Variants in NRXN3 observed in about 807,000 individuals in gnomAD.
The protein encoded by NRXN3 is neurexin III.
NRXN3 carries 32 observed loss-of-function variants against 137.6 expected under a neutral mutation model. That is an observed-to-expected ratio of 0.23 (90% CI 0.18 to 0.31). The LOEUF (loss-of-function observed/expected upper bound fraction) is 0.31, where lower values mean the gene tolerates loss of function less well. Ranked by LOEUF, NRXN3 falls within the 10% of genes least tolerant of loss-of-function variation. NRXN3 has a pLI of 1.00. For missense variants in NRXN3, 1,574 were observed against 2,062.5 expected (o/e 0.76, Z 4.59); for synonymous variants, 798 against 784.5 (o/e 1.02, Z -0.29).
chr14:79,058,101 A>G (rs1296131937), intron 15 of NRXN3, among the ~76,000 whole-genome samples: 1 of 152,082 alleles, frequency 6.6e-6, no homozygotes, highest in African/African-American at 2.4e-5. Context: ...CATTTTCTCT[A>G]AAGTAGGAGA....
chr14:79,291,404 A>G (rs1405435501), intron 15 of NRXN3, among the ~76,000 whole-genome samples: 1 of 151,692 alleles, frequency 6.6e-6, no homozygotes, highest in East Asian at 2.0e-4. Flanking sequence ...TTATTTTAGC[A>G]GAGATGGGGT....
At chr14:79,169,837 C>T (rs1370605474) in intron 15 of NRXN3, among the ~76,000 whole-genome samples, 1 of 152,040 alleles carries the variant, frequency 6.6e-6, no homozygotes, top group African/African-American at 2.4e-5. Flanking sequence ...GGAAGACACA[C>T]CAGTGGGAGG....
intron 1 of NRXN3, among the ~76,000 whole-genome samples, chr14:78,214,547 T>C (rs1335584444): frequency 3.3e-5 from 5 of 152,138 alleles, no homozygotes; most frequent in Non-Finnish European, 7.3e-5. Flanking sequence ...CCGGACACAC[T>C]CGGGATGCTT....
Position 78,851,324 on chromosome 14 carries a change from A to G in NRXN3, c.2275+40980A>G, listed in dbSNP as rs940555860. On this transcript the variant is annotated intron_variant, in intron 10 of 20. Coordinates refer to ENST00000335750, the MANE Select transcript of NRXN3 (RefSeq NM_001330195.2). ...CTCCCTGGTGAAATTCAAGATGCCA[A>G]TGGGATGTCACTGAACTTGAAATTG... Among the ~76,000 whole-genome samples, 10 of 152,272 alleles carry G rather than the reference A, an allele frequency of 6.6e-5. No individual in the cohort carries two copies. The East Asian group carries it at 1.7e-3, about 26-fold the overall frequency.
At chr14:79,713,721 T>C (rs572620538) in intron 19 of NRXN3, among the ~76,000 whole-genome samples, 10 of 150,916 alleles carry the variant, frequency 6.6e-5, no homozygotes, top group African/African-American at 2.4e-4. Flanking sequence ...TTTTTTGTAT[T>C]CCCTTAAGAG....
chr14:79,838,964 G>C (rs1401844818), intron 20 of NRXN3, among the ~76,000 whole-genome samples: 2 of 152,188 alleles, frequency 1.3e-5, no homozygotes, highest in Non-Finnish European at 2.9e-5. Context: ...GGTTTTACTT[G>C]CAATTGTAGA....
At chr14:79,175,877 G>A (rs1242062389) in intron 15 of NRXN3, among the ~76,000 whole-genome samples, 1 of 152,198 alleles carries the variant, frequency 6.6e-6, no homozygotes, top group Non-Finnish European at 1.5e-5. Flanking sequence ...CAGTGTTGTA[G>A]TCGTGAAACT....
rs1409965478 is a variant in NRXN3, at chr14:79,094,977, A to AGTGTGTGTGT, written c.3262+106837_3262+106838insTGTGTGTGTG. On this transcript the variant is annotated intron_variant, in intron 15 of 20. Transcript: ENST00000335750. ...GAGAGAGAGAGAGAGAGAGAGAGAG[A>AGTGTGTGTGT]GAGTGTGTGTGTGTGTGTGTGTGTG... Among the ~76,000 whole-genome samples, 182 of 99,590 alleles carry AGTGTGTGTGT rather than the reference A, an allele frequency of 1.8e-3. 1 individual carries two copies. Among genetic ancestry groups the AGTGTGTGTGT allele is most frequent in the East Asian group, 0.016 (41 of 2,532 alleles). The allele number at this position is 99,590 out of a possible 152,430, so 65.3% of individuals were successfully genotyped here. A position where few individuals can be genotyped will look rare whatever the true frequency, so the allele number is the denominator to read the frequency against.
At chr14:79,371,892 T>C (rs1296138849) in intron 15 of NRXN3, among the ~76,000 whole-genome samples, 1 of 152,142 alleles carries the variant, frequency 6.6e-6, no homozygotes, top group Non-Finnish European at 1.5e-5. Flanking sequence ...GAACTTTAAG[T>C]GGGATGTTCC....
intron 17 of NRXN3, among the ~76,000 whole-genome samples, chr14:79,667,238 T>C (rs2098564897): frequency 6.6e-6 from 1 of 152,136 alleles, no homozygotes; most frequent in South Asian, 2.1e-4. Context: ...CATTCTATTT[T>C]ATTATTTTAT....
intron 10 of NRXN3, among the ~76,000 whole-genome samples, chr14:78,950,697 G>T (rs535275592): frequency 6.6e-6 from 1 of 152,062 alleles, no homozygotes; most frequent in Non-Finnish European, 1.5e-5. Flanking sequence ...AGGTGGGTGG[G>T]CAAATAGCAA....
At chr14:78,738,124 C>A (rs1422867119) in intron 8 of NRXN3, among the ~76,000 whole-genome samples, 1 of 152,224 alleles carries the variant, frequency 6.6e-6, no homozygotes, top group African/African-American at 2.4e-5. Context: ...ACACACTCCA[C>A]CAACTACAAG....
At chr14:78,541,471 A>G (rs962007296) in intron 4 of NRXN3, among the ~76,000 whole-genome samples, 1 of 152,208 alleles carries the variant, frequency 6.6e-6, no homozygotes, top group African/African-American at 2.4e-5. Flanking sequence ...CCATCAGGTC[A>G]TTTAAGGTCT....
chr14:79,652,084 C>T (rs1417265637), intron 16 of NRXN3, among the ~76,000 whole-genome samples: 1 of 152,136 alleles, frequency 6.6e-6, no homozygotes, highest in Non-Finnish European at 1.5e-5. Context: ...TGCTTAGATT[C>T]TACTGAGCCA....
chr14:78,711,016 ACTT>A (rs746557661), intron 7 of NRXN3, among the ~76,000 whole-genome samples: 25 of 152,266 alleles, frequency 1.6e-4, no homozygotes, highest in Admixed American at 4.6e-4. Context: ...CACCCCCCAT[ACTT>A]CTTCTTCTTC....
intron 10 of NRXN3, among the ~76,000 whole-genome samples, chr14:78,844,194 C>T (rs988497262): frequency 1.3e-5 from 2 of 152,102 alleles, no homozygotes; most frequent in Non-Finnish European, 2.9e-5. Flanking sequence ...ATGGTGTTTG[C>T]TGTGGGTCTC....
intron 16 of NRXN3, among the ~76,000 whole-genome samples, chr14:79,632,763 T>C (rs1198722699): frequency 2.0e-5 from 3 of 152,148 alleles, no homozygotes; most frequent in Non-Finnish European, 4.4e-5. Flanking sequence ...TAAGAAGCAG[T>C]GATAAAACCA....
chr14:78,185,169 A>G (rs542691820), intron 1 of NRXN3, among the ~76,000 whole-genome samples: 7 of 152,308 alleles, frequency 4.6e-5, no homozygotes, highest in Non-Finnish European at 8.8e-5. Context: ...AATGGTTGAC[A>G]TTCTTTAGTG....
At chr14:79,400,835 T>C (rs192586850) in intron 15 of NRXN3, among the ~76,000 whole-genome samples, 8 of 152,324 alleles carry the variant, frequency 5.3e-5, no homozygotes, top group African/African-American at 1.9e-4. Flanking sequence ...GCATGAATTA[T>C]AGCATAAGCC....
Sources: gnomAD v4.1 joint callset for allele counts (sites outside exome capture counted in the v4.1 genomes callset) on GRCh38, gnomAD v4.1.1 for gene constraint, MANE v1.5 for transcripts, NCBI Gene and HGNC (gene_info 2026-07-23, HGNC 2026-07-21) for gene names.